FBXW7: variants seen among roughly 807,000 people sequenced by gnomAD.
The protein encoded by FBXW7 is F-box/WD repeat-containing protein 7.
Under a neutral mutation model 86.3 loss-of-function variants are expected in FBXW7, and 11 were observed. That is an observed-to-expected ratio of 0.13 (90% CI 0.08 to 0.21). The LOEUF is 0.21. FBXW7 is among the 10% of genes least tolerant of loss of function. The pLI, the probability that FBXW7 is intolerant of heterozygous loss-of-function variation, is 1.00. For missense variants in FBXW7, 488 were observed against 847.4 expected, an observed-to-expected ratio of 0.58 and a Z score of 5.27; for synonymous variants, 313 against 297.9, an observed-to-expected ratio of 1.05 and a Z score of -0.52.
chr4:152,377,704 G>T (rs1006595269), intron 4 of FBXW7, among the ~76,000 whole-genome samples: 1 of 150,106 alleles, frequency 6.7e-6, no homozygotes, highest in Admixed American at 6.7e-5. Context: ...GGAGAAGGTT[G>T]CAGTAAGCTA....
intron 12 of FBXW7, chr4:152,325,454 A>C (rs1728934592): frequency 6.6e-6 from 1 of 152,248 alleles, no homozygotes; most frequent in Non-Finnish European, 1.5e-5. Context: ...AAAATATGGC[A>C]ATGTTTTCAA....
chr4:152,513,872 A>T (rs562339323), intron 2 of FBXW7, among the ~76,000 whole-genome samples: 3 of 152,258 alleles, frequency 2.0e-5, no homozygotes, highest in Non-Finnish European at 2.9e-5. Context: ...TAAAAAGTTC[A>T]TAATCTACAT....
intron 2 of FBXW7, among the ~76,000 whole-genome samples, chr4:152,501,910 T>C (rs1746990751): frequency 1.3e-5 from 2 of 152,156 alleles, no homozygotes; most frequent in African/African-American, 2.4e-5. Context: ...TAAATCCTTT[T>C]ATCCATGAAA....
intron 4 of FBXW7, among the ~76,000 whole-genome samples, chr4:152,406,079 C>A (rs1737396847): frequency 6.6e-6 from 1 of 152,116 alleles, no homozygotes; most frequent in Non-Finnish European, 1.5e-5. Flanking sequence ...TCCCTACCAC[C>A]AACAAAAACA....
chr4:152,421,983 C>A (rs759289602), intron 2 of FBXW7, among the ~76,000 whole-genome samples: 10 of 151,684 alleles, frequency 6.6e-5, no homozygotes, highest in Non-Finnish European at 1.3e-4. Flanking sequence ...TGAAATATTG[C>A]CAGAATTACC....
intron 2 of FBXW7, among the ~76,000 whole-genome samples, chr4:152,466,437 C>T (rs142848996): frequency 7.9e-5 from 12 of 151,930 alleles, no homozygotes; most frequent in African/African-American, 2.7e-4. Context: ...TGCCTGTAAT[C>T]GCAGCTACTC....
intron 2 of FBXW7, among the ~76,000 whole-genome samples, chr4:152,486,821 T>C (rs1190908709): frequency 6.6e-6 from 1 of 152,132 alleles, no homozygotes; most frequent in Non-Finnish European, 1.5e-5. Flanking sequence ...TGTACACAAT[T>C]ATATGTGCTA....
chr4:152,385,061 C>T (rs779264036), intron 4 of FBXW7, among the ~76,000 whole-genome samples: 61 of 152,076 alleles, frequency 4.0e-4, no homozygotes, highest in Non-Finnish European at 4.7e-4. Flanking sequence ...ATGGAATATC[C>T]TTATCTCAGT....
At chr4:152,498,520 T>C (rs1332891786) in intron 2 of FBXW7, among the ~76,000 whole-genome samples, 1 of 152,204 alleles carries the variant, frequency 6.6e-6, no homozygotes, top group Non-Finnish European at 1.5e-5. Flanking sequence ...GTGACTGTGC[T>C]GAACCTTGAA....
chr4:152,508,525 A>G (rs369156688), intron 2 of FBXW7, among the ~76,000 whole-genome samples: 3 of 152,018 alleles, frequency 2.0e-5, no homozygotes. Context: ...TCGCCTCTAC[A>G]AACAATATGA....
chr4:152,515,800 TATC>T (rs943986861), intron 2 of FBXW7, among the ~76,000 whole-genome samples: 1 of 151,978 alleles, frequency 6.6e-6, no homozygotes, highest in Non-Finnish European at 1.5e-5. Flanking sequence ...TAATGTGTTG[TATC>T]ATGTTTTAAT....
chr4:152,487,441 T>G (rs1745446067), intron 2 of FBXW7, among the ~76,000 whole-genome samples: 1 of 152,072 alleles, frequency 6.6e-6, no homozygotes, highest in Non-Finnish European at 1.5e-5. Context: ...TAAATCTTGA[T>G]GTAAATAAAC....
At chr4:152,388,282 C>A (rs185703633) in intron 4 of FBXW7, among the ~76,000 whole-genome samples, 1 of 151,940 alleles carries the variant, frequency 6.6e-6, no homozygotes, top group Admixed American at 6.6e-5. Flanking sequence ...CAAGGGCGGC[C>A]CCTAACTAAG....
At chr4:152,476,778 C>T (rs1368189821) in intron 2 of FBXW7, among the ~76,000 whole-genome samples, 2 of 152,110 alleles carry the variant, frequency 1.3e-5, no homozygotes, top group Non-Finnish European at 2.9e-5. Context: ...CTATGAGACT[C>T]TCATGTTTCT....
At chr4:152,455,099 GA>G (rs1742288819) in intron 2 of FBXW7, among the ~76,000 whole-genome samples, 2 of 152,102 alleles carry the variant, frequency 1.3e-5, no homozygotes, top group Admixed American at 1.3e-4. Flanking sequence ...AATATCTCAA[GA>G]ATATAGTCCA....
rs543428554 is a variant in FBXW7, at chr4:152,424,287, A to G, written c.-119-11758T>C. Among the ~76,000 whole-genome samples, 40 of 152,306 alleles carry G rather than the reference A, an allele frequency of 2.6e-4. No homozygotes were observed. In the South Asian group the frequency reaches 3.1e-3, roughly 12 times the overall value. ...CGACTTTGATGTGCATGGTCCAGGGAGCATTCCTTTGAGAACAAGACTTTT... is the reference window on the plus strand; with the variant it reads ...CGACTTTGATGTGCATGGTCCAGGGGGCATTCCTTTGAGAACAAGACTTTT... On this transcript the variant is annotated intron_variant, in intron 2 of 13. Transcript: ENST00000281708.
intron 2 of FBXW7, among the ~76,000 whole-genome samples, chr4:152,433,544 TA>T (rs1168762360): frequency 6.6e-6 from 1 of 152,204 alleles, no homozygotes; most frequent in Non-Finnish European, 1.5e-5. Flanking sequence ...TTCACTCAAT[TA>T]AAATTTGCAT....
intron 4 of FBXW7, chr4:152,382,410 A>C: frequency 7.7e-7 from 1 of 1,298,438 alleles, no homozygotes. Context: ...TAACCACTAA[A>C]TTTTAAAAAT....
intron 2 of FBXW7, among the ~76,000 whole-genome samples, chr4:152,513,129 G>A (rs140867386): frequency 2.6e-5 from 4 of 152,268 alleles, no homozygotes; most frequent in African/African-American, 7.2e-5. Context: ...CCCAAACTGG[G>A]ATTACAGGCA....
Sources: gnomAD v4.1 joint callset for allele counts (sites outside exome capture counted in the v4.1 genomes callset) on GRCh38, gnomAD v4.1.1 for gene constraint, MANE v1.5 for transcripts, NCBI Gene and HGNC (gene_info 2026-07-23, HGNC 2026-07-21) for gene names.